FBN2: variants seen among roughly 807,000 people sequenced by gnomAD.
FBN2 encodes the protein fibrillin 2, also known as fibrillin-2.
FBN2 carries 105 observed loss-of-function variants against 355.6 expected under a neutral mutation model. The observed-to-expected ratio is 0.30, with a 90% CI of 0.25 to 0.35. The LOEUF (loss-of-function observed/expected upper bound fraction) is 0.35. Among genes scored for constraint, FBN2 ranks in the 10% least tolerant of loss-of-function variants. The pLI is 1.00. For synonymous variants in FBN2, 1,350 were observed against 1,301.2 expected (o/e 1.04, Z -0.81); for missense variants, 3,280 against 3,758.7 (o/e 0.87, Z 3.33).
rs3989391 is a variant in FBN2, at chr5:128,269,283, G to GTAATAA, written c.7960+2710_7960+2715dup. On this transcript the variant is annotated intron_variant, in intron 62 of 64. Transcript: ENST00000262464. The stretch of plus-strand genomic sequence containing the variant: ...TACAATAATAATAATAATAATAATA[G>GTAATAA]TAATAATAATAATAATAATAATAAA... 1.7e-3 allele frequency among the ~76,000 whole-genome samples: 240 copies of GTAATAA among 145,136 alleles called. 3 individuals carry two copies. Among genetic ancestry groups the GTAATAA allele is most frequent in the African/African-American group, 1.7e-3 (66 of 39,550 alleles).
At chr5:128,309,131 G>C in intron 41 of FBN2, 116 bp downstream of exon 41, 1 of 1,088,228 alleles carries the variant, frequency 9.2e-7, no homozygotes, top group East Asian at 2.5e-5. Flanking sequence ...ATGCTCTTGG[G>C]AATTTTTGGA....
chr5:128,379,402 A>G (rs944522919), intron 11 of FBN2, among the ~76,000 whole-genome samples: 1 of 152,120 alleles, frequency 6.6e-6, no homozygotes, highest in African/African-American at 2.4e-5. Flanking sequence ...GTATACAACT[A>G]TATATACACT....
chr5:128,443,579 A>G (rs1753979018), intron 7 of FBN2, among the ~76,000 whole-genome samples: 1 of 152,206 alleles, frequency 6.6e-6, no homozygotes, highest in Non-Finnish European at 1.5e-5. Flanking sequence ...ACGATTAATA[A>G]GCTAATTGCA....
intron 5 of FBN2, among the ~76,000 whole-genome samples, chr5:128,509,910 A>C (rs1231802088): frequency 2.2e-5 from 1 of 45,144 alleles, no homozygotes; most frequent in Non-Finnish European, 4.0e-5. Context: ...CTTATGTGCA[A>C]CTCTGAGTAT....
chr5:128,492,322 A>G (rs1755528151), intron 5 of FBN2, among the ~76,000 whole-genome samples: 1 of 152,226 alleles, frequency 6.6e-6, no homozygotes, highest in Non-Finnish European at 1.5e-5. Context: ...ACTGTCCAAT[A>G]GCCTACTATT....
At chr5:128,367,307 G>A (rs1281982327) in intron 16 of FBN2, among the ~76,000 whole-genome samples, 1 of 151,754 alleles carries the variant, frequency 6.6e-6, no homozygotes, top group Non-Finnish European at 1.5e-5. Context: ...AGAATCAATC[G>A]TTTATACCAA....
At chr5:128,522,402 A>C (rs1756454277) in intron 4 of FBN2, among the ~76,000 whole-genome samples, 1 of 151,980 alleles carries the variant, frequency 6.6e-6, no homozygotes, top group Non-Finnish European at 1.5e-5. Flanking sequence ...TCACCACACC[A>C]CCTCTCTGAT....
intron 8 of FBN2, among the ~76,000 whole-genome samples, chr5:128,399,127 T>C (rs923910846): frequency 1.3e-5 from 2 of 152,182 alleles, no homozygotes; most frequent in Non-Finnish European, 2.9e-5. Context: ...TAGAACTTTC[T>C]AGCAATGTTG....
intron 5 of FBN2, among the ~76,000 whole-genome samples, chr5:128,487,797 T>G (rs1206092840): frequency 6.6e-6 from 1 of 152,180 alleles, no homozygotes; most frequent in African/African-American, 2.4e-5. Flanking sequence ...AATAACTTCT[T>G]ATAACAAATG....
intron 18 of FBN2, 137 bp downstream of exon 18, chr5:128,364,463 C>T: frequency 1.2e-6 from 1 of 868,206 alleles, no homozygotes; most frequent in Non-Finnish European, 1.8e-6. Context: ...TGATATTTTC[C>T]TGTCAATGTG....
At position 128,278,717 on chromosome 5, in the gene FBN2, C is replaced by T. The variant is rs114376818; in HGVS notation, c.7263G>A (p.Gln2421=). ...CCDGGRGWGH[Q]CELCPLPGTA... ...TTCCAGGAAGTGGGCAAAGCTCGCA[C>T]TGGTGGCCCCAGCCTCGCCCACCAT... Residue 2421 remains glutamine, a synonymous_variant, in exon 57 of 65, where the codon CAG becomes CAA. Transcript: ENST00000262464. 6.8e-5 allele frequency: 110 copies of T among 1,614,170 alleles called. No individual in the cohort carries two copies. In the African/African-American group the frequency reaches 1.4e-3, roughly 21 times the overall value.
intron 7 of FBN2, among the ~76,000 whole-genome samples, chr5:128,434,694 C>A (rs193273358): frequency 6.6e-6 from 1 of 151,816 alleles, no homozygotes; most frequent in East Asian, 1.9e-4. Context: ...ATAGAACTTG[C>A]ATTTTATTTT....
chr5:128,410,297 G>A (rs1222216742), intron 7 of FBN2, among the ~76,000 whole-genome samples: 1 of 152,150 alleles, frequency 6.6e-6, no homozygotes, highest in Admixed American at 6.5e-5. Context: ...TTAGTGCAGT[G>A]CATCTTAATA....
chr5:128,526,208 C>T (rs1215053563), intron 4 of FBN2, among the ~76,000 whole-genome samples: 1 of 151,910 alleles, frequency 6.6e-6, no homozygotes, highest in African/African-American at 2.4e-5. Context: ...ACTTCACATT[C>T]ATTAGCATGA....
At chr5:128,264,263 G>C (rs1048554368) in intron 62 of FBN2, among the ~76,000 whole-genome samples, 1 of 152,150 alleles carries the variant, frequency 6.6e-6, no homozygotes, top group African/African-American at 2.4e-5. Flanking sequence ...TACAGGAGGA[G>C]AAAGCATAAA....
chr5:128,351,090 G>A, intron 20 of FBN2, 85 bp from the exon 21 acceptor site: 1 of 1,525,654 alleles, frequency 6.6e-7, no homozygotes, highest in Non-Finnish European at 9.1e-7. Flanking sequence ...ATTTGTTACA[G>A]TATTCTAAAA....
chr5:128,307,083 T>A (rs1157771801), intron 42 of FBN2, 52 bp downstream of exon 42: 2 of 1,115,268 alleles, frequency 1.8e-6, no homozygotes, highest in East Asian at 2.3e-5. Context: ...AATAGATTTT[T>A]ACAGAATGCT....
Position 128,369,260 on chromosome 5 carries a change from T to A in FBN2, c.2170A>T (p.Thr724Ser). The A allele has an allele frequency of 1.2e-6, 2 of 1,614,114 alleles. No individual in the cohort carries two copies. The highest frequency in any genetic ancestry group is 1.7e-6 in the Non-Finnish European group (2 of 1,180,016). Residue 724 changes from threonine (T) to serine (S), a missense_variant, in exon 16 of 65, where the codon ACC (threonine) becomes TCC (serine). Physicochemically the swap from Thr to Ser is moderately conservative, Grantham distance 58. Transcript: ENST00000262464. ...VCVRPFPGAV[T>S]KSECCCANPD... The stretch of plus-strand genomic sequence containing the variant: ...TTGGCACAGCAGCATTCGGACTTGG[T>A]CACTGCACCGGGGAAAGGACGCACA...
At chr5:128,471,669 T>C (rs1481653933) in intron 5 of FBN2, among the ~76,000 whole-genome samples, 2 of 152,170 alleles carry the variant, frequency 1.3e-5, no homozygotes, top group Non-Finnish European at 2.9e-5. Context: ...AAAAAAACTC[T>C]TTTTAATGCA....
Sources: gnomAD v4.1 joint callset for allele counts (sites outside exome capture counted in the v4.1 genomes callset) on GRCh38, gnomAD v4.1.1 for gene constraint, MANE v1.5 for transcripts, NCBI Gene and HGNC (gene_info 2026-07-23, HGNC 2026-07-21) for gene names.